Variants in BTBD9 observed in about 807,000 individuals in gnomAD.
The protein encoded by BTBD9 is BTB domain containing 9, also known as BTB/POZ domain-containing protein 9.
In BTBD9, 49 loss-of-function variants were observed where a neutral mutation model predicts 64.3. That is an observed-to-expected ratio of 0.76 (90% CI 0.61 to 0.97). The LOEUF is 0.97. BTBD9 is among the 50% of genes least tolerant of loss of function. BTBD9 has a pLI of 0.00. For synonymous variants in BTBD9, 260 were observed against 274.7 expected, an observed-to-expected ratio of 0.95 and a Z score of 0.53; for missense variants, 598 against 762.1, an observed-to-expected ratio of 0.78 and a Z score of 2.53.
chr6:38,351,357 A>C (rs1008606167), intron 6 of BTBD9, among the ~76,000 whole-genome samples: 4 of 152,136 alleles, frequency 2.6e-5, no homozygotes, highest in Non-Finnish European at 5.9e-5. Context: ...CCACTATTCA[A>C]CCTGAAGAGC....
At chr6:38,596,922 A>AT (rs1271765423) in intron 2 of BTBD9, among the ~76,000 whole-genome samples, 4 of 152,252 alleles carry the variant, frequency 2.6e-5, no homozygotes, top group Non-Finnish European at 4.4e-5. Flanking sequence ...CTGATAACAA[A>AT]TAATGGCTAG....
Position 38,185,135 on chromosome 6 carries a change from T to A in BTBD9, c.1641+7384A>T, listed in dbSNP as rs993641139. On this transcript the variant is annotated intron_variant, in intron 10 of 10. Transcript: ENST00000481247. Reference sequence around the variant, plus strand: ...GGCTCCCAAACTCCAAGGGCCAGGATCACTCGATCCGTTTTACAGATCAGG... The same window carrying A: ...GGCTCCCAAACTCCAAGGGCCAGGAACACTCGATCCGTTTTACAGATCAGG... Among the ~76,000 whole-genome samples the A allele has an allele frequency of 4.7e-5, 7 of 149,896 alleles. 1 individual carries two copies. Among genetic ancestry groups the A allele is most frequent in the African/African-American group, 1.7e-4 (7 of 40,652 alleles).
In BTBD9 at chr6:38,170,583, G is replaced by C. The variant is rs1487535564; in HGVS notation, c.*4402C>G. ...TCCAGCCCCAGGTATGACTGGATCCGTGTCAGCGAGAGAGATGGGGGCATT... is the reference window on the plus strand; with the variant it reads ...TCCAGCCCCAGGTATGACTGGATCCCTGTCAGCGAGAGAGATGGGGGCATT... On this transcript the variant is annotated 3_prime_UTR_variant, in exon 11 of 11. Transcript: ENST00000481247. 6.6e-6 allele frequency: 1 copy of C among 152,230 alleles called. No individual in the cohort carries two copies. Among genetic ancestry groups the C allele is most frequent in the East Asian group, 1.9e-4 (1 of 5,202 alleles). The allele number at this position is 152,230 out of a possible 1,614,324, so 9.4% of individuals were successfully genotyped here. A position where few individuals can be genotyped will look rare whatever the true frequency, so the allele number is the denominator to read the frequency against.
intron 9 of BTBD9, among the ~76,000 whole-genome samples, chr6:38,195,545 C>T (rs193300023): frequency 6.6e-5 from 10 of 152,230 alleles, no homozygotes; most frequent in South Asian, 4.2e-4. Context: ...AAAAAACCCA[C>T]GCAGGATTGA....
intron 6 of BTBD9, among the ~76,000 whole-genome samples, chr6:38,465,707 T>TTTTATATATA (rs1770326366): frequency 2.1e-5 from 1 of 46,862 alleles, no homozygotes; most frequent in Non-Finnish European, 3.9e-5. Flanking sequence ...AATAAATAAA[T>TTTTATATATA]TATATATATA....
intron 1 of BTBD9, among the ~76,000 whole-genome samples, chr6:38,621,125 T>C (rs1251190867): frequency 6.6e-6 from 1 of 152,162 alleles, no homozygotes; most frequent in Non-Finnish European, 1.5e-5. Flanking sequence ...GTGGTGGCCA[T>C]CTTAATATCA....
At chr6:38,246,742 C>T (rs2127528480) in intron 9 of BTBD9, among the ~76,000 whole-genome samples, 1 of 152,212 alleles carries the variant, frequency 6.6e-6, no homozygotes, top group East Asian at 1.9e-4. Context: ...ACAACCAGAA[C>T]TCATTAATTG....
chr6:38,625,735 G>C (rs1778141340), intron 1 of BTBD9, among the ~76,000 whole-genome samples: 1 of 152,152 alleles, frequency 6.6e-6, no homozygotes, highest in African/African-American at 2.4e-5. Flanking sequence ...CTTGTTCAAA[G>C]TCACAACATT....
chr6:38,586,888 C>T (rs1464405993), intron 4 of BTBD9, among the ~76,000 whole-genome samples: 6 of 151,540 alleles, frequency 4.0e-5, no homozygotes, highest in Non-Finnish European at 7.4e-5. Context: ...CCTGGTGAAA[C>T]CCCATCTCTA....
chr6:38,202,920 T>C (rs1344268904), intron 9 of BTBD9, among the ~76,000 whole-genome samples: 2 of 152,168 alleles, frequency 1.3e-5, no homozygotes, highest in Non-Finnish European at 2.9e-5. Context: ...AGGTAATCTG[T>C]TGAATAGGAG....
At chr6:38,504,425 T>G (rs1027886662) in intron 6 of BTBD9, 6 of 376,224 alleles carry the variant, frequency 1.6e-5, no homozygotes, top group Admixed American at 9.5e-5. Context: ...GCATCTATAA[T>G]TTTCCTTCCT....
At chr6:38,270,342 C>T (rs1053571576) in intron 8 of BTBD9, among the ~76,000 whole-genome samples, 1 of 152,078 alleles carries the variant, frequency 6.6e-6, no homozygotes, top group African/African-American at 2.4e-5. Context: ...CCCCACCCCC[C>T]ACTACCCCTC....
chr6:38,514,629 C>T (rs1772928878), intron 6 of BTBD9, among the ~76,000 whole-genome samples: 1 of 152,114 alleles, frequency 6.6e-6, no homozygotes, highest in Non-Finnish European at 1.5e-5. Flanking sequence ...ACAGAACCAA[C>T]CACTCATTAA....
At chr6:38,627,024 TAGGGGTGAC>T (rs1208335141) in intron 1 of BTBD9, among the ~76,000 whole-genome samples, 1 of 152,210 alleles carries the variant, frequency 6.6e-6, no homozygotes, top group East Asian at 1.9e-4. Context: ...ACTTTCAATC[TAGGGGTGAC>T]AGACCAGTAA....
chr6:38,254,722 G>A (rs547055563), intron 9 of BTBD9, among the ~76,000 whole-genome samples: 8 of 152,294 alleles, frequency 5.3e-5, no homozygotes, highest in Admixed American at 1.3e-4. Context: ...ATGCTACTTC[G>A]TCCCTACTAG....
intron 9 of BTBD9, among the ~76,000 whole-genome samples, chr6:38,237,392 A>ATGTTAGTTG (rs1763813492): frequency 1.3e-5 from 2 of 152,194 alleles, no homozygotes; most frequent in African/African-American, 4.8e-5. Context: ...AGTTCAAACA[A>ATGTTAGTTG]CTCCTGCATG....
chr6:38,401,360 T>A (rs1397812242), intron 6 of BTBD9, among the ~76,000 whole-genome samples: 1 of 152,212 alleles, frequency 6.6e-6, no homozygotes, highest in African/African-American at 2.4e-5. Context: ...TGCAGAACTG[T>A]GAGTCAATGT....
At chr6:38,208,083 G>A (rs2127497209) in intron 9 of BTBD9, among the ~76,000 whole-genome samples, 1 of 152,290 alleles carries the variant, frequency 6.6e-6, no homozygotes, top group East Asian at 1.9e-4. Flanking sequence ...TGTATTTACA[G>A]CCTTTGGGAG....
At chr6:38,416,682 A>G (rs1252487091) in intron 6 of BTBD9, among the ~76,000 whole-genome samples, 1 of 151,614 alleles carries the variant, frequency 6.6e-6, no homozygotes, top group Non-Finnish European at 1.5e-5. Flanking sequence ...GCCACTCTCT[A>G]ATGTCACACT....
Sources: gnomAD v4.1 joint callset for allele counts (sites outside exome capture counted in the v4.1 genomes callset) on GRCh38, gnomAD v4.1.1 for gene constraint, MANE v1.5 for transcripts, NCBI Gene and HGNC (gene_info 2026-07-23, HGNC 2026-07-21) for gene names.